LINGO2: variants seen among roughly 807,000 people sequenced by gnomAD.
The protein encoded by LINGO2 is leucine rich repeat and Ig domain containing 2.
A neutral mutation model predicts 30.6 loss-of-function variants in LINGO2; 14 were observed. The ratio of observed to expected loss-of-function variants is 0.46; its 90% CI spans 0.30 to 0.72. LINGO2 has a LOEUF of 0.72. Ranked by LOEUF, LINGO2 falls within the 30% of genes least tolerant of loss-of-function variation. The pLI, the probability that LINGO2 is intolerant of heterozygous loss-of-function variation, is 0.07. For synonymous variants in LINGO2, 317 were observed against 288.5 expected (o/e 1.10, Z -1.00); for missense variants, 729 against 751.7 (o/e 0.97, Z 0.35).
chr9:29,196,865 C>G, the LINGO2 span, among the ~76,000 whole-genome samples: 1 of 151,954 alleles, frequency 6.6e-6, no homozygotes, highest in African/African-American at 2.4e-5. Flanking sequence ...TCAGTCTTTG[C>G]CTGGTATTAT....
chr9:28,382,352 A>T (rs1407097575), intron 2 of LINGO2, among the ~76,000 whole-genome samples: 1 of 152,152 alleles, frequency 6.6e-6, no homozygotes, highest in African/African-American at 2.4e-5. Context: ...TCACATGGAA[A>T]AACTCATTAG....
chr9:29,114,214 G>A, the LINGO2 span, among the ~76,000 whole-genome samples: 5 of 151,452 alleles, frequency 3.3e-5, no homozygotes, highest in East Asian at 5.8e-4. Flanking sequence ...TTTATTGAGT[G>A]GAGTCACTGT....
the LINGO2 span, among the ~76,000 whole-genome samples, chr9:28,688,801 T>C: frequency 6.6e-6 from 1 of 152,184 alleles, no homozygotes; most frequent in South Asian, 2.1e-4. Context: ...TAAAGCCATA[T>C]TTCAGATTCC....
At chr9:29,171,965 C>T in the LINGO2 span, among the ~76,000 whole-genome samples, 1 of 151,744 alleles carries the variant, frequency 6.6e-6, no homozygotes, top group Non-Finnish European at 1.5e-5. Flanking sequence ...TATAAGCAAG[C>T]TCATTTTCCT....
At chr9:28,099,073 G>T (rs961869979) in intron 4 of LINGO2, among the ~76,000 whole-genome samples, 3 of 152,100 alleles carry the variant, frequency 2.0e-5, no homozygotes, top group Admixed American at 1.3e-4. Context: ...AGCATAGAAA[G>T]ACTGTATGTA....
At chr9:28,805,362 A>C in the LINGO2 span, among the ~76,000 whole-genome samples, 9 of 152,312 alleles carry the variant, frequency 5.9e-5, no homozygotes, top group East Asian at 1.5e-3. Context: ...GTGGCATCAC[A>C]GATGCTATCT....
chr9:29,197,842 C>T, the LINGO2 span, among the ~76,000 whole-genome samples: 3 of 152,024 alleles, frequency 2.0e-5, no homozygotes, highest in African/African-American at 4.8e-5. Flanking sequence ...CAACAGTTTT[C>T]ACATGGGTAT....
chr9:28,623,708 AT>A (rs541368128), intron 1 of LINGO2, among the ~76,000 whole-genome samples: 3 of 151,048 alleles, frequency 2.0e-5, no homozygotes, highest in African/African-American at 4.9e-5. Flanking sequence ...AAATTTCAGG[AT>A]TTTTTTTTCT....
At chr9:28,279,461 T>A (rs4469555) in intron 4 of LINGO2, among the ~76,000 whole-genome samples, 112,281 of 151,962 alleles carry the variant, frequency 0.74, 41,676 homozygotes, top group Non-Finnish European at 0.76. Flanking sequence ...AACCTTCTGA[T>A]CTCATCACTC....
the LINGO2 span, chr9:28,863,515 T>C: frequency 7.0e-6 from 3 of 429,980 alleles, no homozygotes; most frequent in African/African-American, 6.1e-5. Flanking sequence ...AGAGTATATT[T>C]ACCAGGGATC....
chr9:28,074,944 A>G (rs1031231844), intron 4 of LINGO2, among the ~76,000 whole-genome samples: 2 of 151,110 alleles, frequency 1.3e-5, no homozygotes, highest in East Asian at 1.9e-4. Flanking sequence ...TGTATTATAC[A>G]ATATTTTATA....
chr9:28,826,837 T>G, the LINGO2 span, among the ~76,000 whole-genome samples: 1 of 152,158 alleles, frequency 6.6e-6, no homozygotes, highest in Non-Finnish European at 1.5e-5. Context: ...TGCAGTAAAG[T>G]AAAACAATGG....
the LINGO2 span, among the ~76,000 whole-genome samples, chr9:28,868,748 C>A: frequency 6.6e-6 from 1 of 152,026 alleles, no homozygotes; most frequent in African/African-American, 2.4e-5. Flanking sequence ...TGAGTAACTG[C>A]AAACATAATT....
the LINGO2 span, among the ~76,000 whole-genome samples, chr9:28,869,046 C>T: frequency 6.6e-6 from 1 of 152,012 alleles, no homozygotes. Flanking sequence ...AAATGATATA[C>T]TTATTAAATA....
chr9:28,710,572 C>A, the LINGO2 span, among the ~76,000 whole-genome samples: 3 of 151,448 alleles, frequency 2.0e-5, no homozygotes, highest in African/African-American at 7.3e-5. Flanking sequence ...AAGGTTTGTG[C>A]AAATACTTGT....
the LINGO2 span, among the ~76,000 whole-genome samples, chr9:29,083,853 G>A: frequency 6.6e-6 from 1 of 152,032 alleles, no homozygotes; most frequent in African/African-American, 2.4e-5. Flanking sequence ...CACCTTCCAG[G>A]ATGGCAATAA....
the LINGO2 span, among the ~76,000 whole-genome samples, chr9:28,759,937 T>C: frequency 1.3e-5 from 2 of 152,068 alleles, no homozygotes; most frequent in Admixed American, 6.5e-5. Context: ...AACACCATCA[T>C]CTACCACTTT....
chr9:28,738,062 C>T, the LINGO2 span, among the ~76,000 whole-genome samples: 9 of 152,142 alleles, frequency 5.9e-5, no homozygotes, highest in Non-Finnish European at 1.2e-4. Context: ...TCGTCCCCTT[C>T]CTGAGGCATT....
intron 4 of LINGO2, among the ~76,000 whole-genome samples, chr9:28,056,771 T>C (rs1824955475): frequency 6.6e-6 from 1 of 152,190 alleles, no homozygotes; most frequent in Non-Finnish European, 1.5e-5. Flanking sequence ...AATTCTGATA[T>C]ATACAGAGAG....
Sources: allele counts gnomAD v4.1 joint callset (sites outside exome capture counted in the v4.1 genomes callset), GRCh38; gene constraint gnomAD v4.1.1; transcripts MANE v1.5; gene names NCBI Gene and HGNC (gene_info 2026-07-23, HGNC 2026-07-21).